Variants in ADGRL3 observed in about 807,000 individuals in gnomAD.
ADGRL3 encodes calcium-independent alpha-latrotoxin receptor 3.
In ADGRL3, 62 loss-of-function variants were observed where a neutral mutation model predicts 153.5. The ratio of observed to expected loss-of-function variants is 0.40; its 90% CI spans 0.33 to 0.50. The LOEUF (loss-of-function observed/expected upper bound fraction) is 0.50. ADGRL3 is among the 20% of genes least tolerant of loss of function. The probability of loss-of-function intolerance (pLI) is 0.47; values close to 1 mark genes in which losing one functional copy is unlikely to be tolerated. For synonymous variants in ADGRL3, 710 were observed against 672.5 expected (o/e 1.06, Z -0.86); for missense variants, 1,641 against 1,859.4 (o/e 0.88, Z 2.16).
At chr4:61,658,971 G>A (rs1004036670) in intron 5 of ADGRL3, among the ~76,000 whole-genome samples, 1 of 152,108 alleles carries the variant, frequency 6.6e-6, no homozygotes, top group Non-Finnish European at 1.5e-5. Flanking sequence ...TAAGGTATCA[G>A]CAAGATACTG....
intron 17 of ADGRL3, among the ~76,000 whole-genome samples, chr4:61,966,287 T>C (rs1433999638): frequency 6.6e-6 from 1 of 152,188 alleles, no homozygotes; most frequent in Non-Finnish European, 1.5e-5. Flanking sequence ...ATTTCTTGCC[T>C]CATGCAGTGT....
chr4:61,960,915 GGCCA>G (rs1343418157), intron 17 of ADGRL3, among the ~76,000 whole-genome samples: 1 of 152,028 alleles, frequency 6.6e-6, no homozygotes, highest in Non-Finnish European at 1.5e-5. Context: ...TCACCATTTT[GGCCA>G]GGAGGGTTTC....
chr4:61,897,860 G>A (rs996716521), intron 11 of ADGRL3, among the ~76,000 whole-genome samples: 10 of 152,028 alleles, frequency 6.6e-5, no homozygotes, highest in Non-Finnish European at 1.2e-4. Context: ...GGCAGTAAAG[G>A]CAAACTGCAA....
rs1216413082 is a variant in ADGRL3, at chr4:62,071,057, T to C, written c.*149T>C. ...ACAAACTCTCAGACTTTTTTTTTTT[T>C]AATGGGATTTTTAGGTCAGCCCAGG... is the stretch of plus-strand genomic sequence containing the variant. On this transcript the variant is annotated 3_prime_UTR_variant, in exon 27 of 27. Transcript: ENST00000683033. 1.2e-5 allele frequency: 8 copies of C among 692,212 alleles called. No individual in the cohort carries two copies. The Admixed American group carries it at 2.5e-4, about 21-fold the overall frequency. 42.9% of individuals were successfully genotyped at this position (692,212 alleles called of 1,614,324 possible). A position where few individuals can be genotyped will look rare whatever the true frequency, so the allele number is the denominator to read the frequency against.
chr4:62,000,443 A>G (rs1329310352), intron 21 of ADGRL3, among the ~76,000 whole-genome samples: 1 of 152,048 alleles, frequency 6.6e-6, no homozygotes, highest in Non-Finnish European at 1.5e-5. Flanking sequence ...ATTGTTTAGA[A>G]AAATAATTAA....
At chr4:61,631,349 T>G (rs1294797612) in intron 5 of ADGRL3, among the ~76,000 whole-genome samples, 1 of 152,220 alleles carries the variant, frequency 6.6e-6, no homozygotes. Flanking sequence ...TTTTCACCCC[T>G]TGGAGATTCA....
At chr4:61,531,704 A>C (rs1221503575) in intron 4 of ADGRL3, among the ~76,000 whole-genome samples, 2 of 150,536 alleles carry the variant, frequency 1.3e-5, no homozygotes, top group Non-Finnish European at 2.9e-5. Flanking sequence ...GATTTCAATA[A>C]TCTTTGAAGT....
chr4:61,653,226 A>T (rs1250267970), intron 5 of ADGRL3, among the ~76,000 whole-genome samples: 10 of 151,938 alleles, frequency 6.6e-5, no homozygotes, highest in Admixed American at 3.9e-4. Flanking sequence ...ATGAGAACAT[A>T]GAAAGAATGC....
chr4:61,484,107 T>A (rs1160463881), intron 2 of ADGRL3, among the ~76,000 whole-genome samples: 1 of 152,048 alleles, frequency 6.6e-6, no homozygotes, highest in Non-Finnish European at 1.5e-5. Context: ...TTTTTTTTAC[T>A]TATTGTTTTC....
rs189219573 is a variant in ADGRL3, at chr4:61,696,120, T to G, written c.583+19185T>G. ...GCTTTCTTATCATTCATGTGTGCAC[T>G]GGAGTAGCACTTTTAATTTCCTTCA... On this transcript the variant is annotated intron_variant, in intron 6 of 26. Transcript: ENST00000683033. Among the ~76,000 whole-genome samples the G allele has an allele frequency of 1.4e-4, 22 of 152,356 alleles. 2 individuals are homozygous for G. The East Asian group carries it at 4.2e-3, about 29-fold the overall frequency.
intron 8 of ADGRL3, among the ~76,000 whole-genome samples, chr4:61,790,316 G>T (rs1402162821): frequency 2.6e-5 from 4 of 152,012 alleles, no homozygotes; most frequent in African/African-American, 9.7e-5. Context: ...AACTCCTTTG[G>T]CAATGGTTGG....
chr4:61,702,227 C>T (rs1160033768), intron 6 of ADGRL3, among the ~76,000 whole-genome samples: 1 of 152,048 alleles, frequency 6.6e-6, no homozygotes, highest in Non-Finnish European at 1.5e-5. Context: ...TTTCAATCTC[C>T]AGACTAGTTG....
At chr4:61,924,441 A>G (rs147663543) in intron 13 of ADGRL3, among the ~76,000 whole-genome samples, 1 of 152,188 alleles carries the variant, frequency 6.6e-6, no homozygotes, top group Non-Finnish European at 1.5e-5. Context: ...CAATGGCACA[A>G]ACCATTCTCC....
chr4:61,860,496 CT>C (rs2098329363), intron 9 of ADGRL3, among the ~76,000 whole-genome samples: 1 of 151,900 alleles, frequency 6.6e-6, no homozygotes, highest in African/African-American at 2.4e-5. Flanking sequence ...CCAACTAATC[CT>C]TTTATCTCTC....
At chr4:61,319,150 C>T (rs2095301571) in intron 1 of ADGRL3, among the ~76,000 whole-genome samples, 1 of 152,072 alleles carries the variant, frequency 6.6e-6, no homozygotes, top group Admixed American at 6.6e-5. Context: ...ATAACATCTC[C>T]CTGGGGTCAT....
intron 4 of ADGRL3, among the ~76,000 whole-genome samples, chr4:61,586,485 A>C (rs1398281115): frequency 6.6e-6 from 1 of 152,080 alleles, no homozygotes; most frequent in African/African-American, 2.4e-5. Flanking sequence ...AAATAATACA[A>C]AATATCAAAC....
chr4:61,961,659 G>A (rs554805789), intron 17 of ADGRL3, among the ~76,000 whole-genome samples: 1 of 151,240 alleles, frequency 6.6e-6, no homozygotes, highest in Admixed American at 6.6e-5. Flanking sequence ...GTGAAGTGCA[G>A]GGAGGAAAAA....
intron 17 of ADGRL3, among the ~76,000 whole-genome samples, chr4:61,958,067 T>G (rs536524352): frequency 6.6e-6 from 1 of 152,326 alleles, no homozygotes; most frequent in East Asian, 1.9e-4. Flanking sequence ...TAACTTTCTT[T>G]TCACATATTT....
intron 8 of ADGRL3, among the ~76,000 whole-genome samples, chr4:61,806,826 T>C (rs1161252460): frequency 1.3e-5 from 2 of 152,066 alleles, no homozygotes; most frequent in African/African-American, 4.8e-5. Flanking sequence ...TATAATACGA[T>C]GAATCGTATT....
Sources: gnomAD v4.1 joint callset for allele counts (sites outside exome capture counted in the v4.1 genomes callset) on GRCh38, gnomAD v4.1.1 for gene constraint, MANE v1.5 for transcripts, NCBI Gene and HGNC (gene_info 2026-07-23, HGNC 2026-07-21) for gene names.